FBLN2: variants seen among roughly 807,000 people sequenced by gnomAD.
FBLN2 encodes fibulin 2.
Under a neutral mutation model 123.7 loss-of-function variants are expected in FBLN2, and 81 were observed. That is an observed-to-expected ratio of 0.65 (90% confidence interval 0.55 to 0.79). FBLN2 has a LOEUF of 0.79. Among genes scored for constraint, FBLN2 ranks in the 30% least tolerant of loss-of-function variants. The pLI, the probability that FBLN2 is intolerant of heterozygous loss-of-function variation, is 0.00. For missense variants in FBLN2, 1,603 were observed against 1,681.3 expected (o/e 0.95, Z 0.81); for synonymous variants, 699 against 701.4 (o/e 1.00, Z 0.05).
At chr3:13,591,504 C>G (rs1045428496) in intron 2 of FBLN2, among the ~76,000 whole-genome samples, 3 of 152,090 alleles carry the variant, frequency 2.0e-5, no homozygotes, top group Admixed American at 6.5e-5. Context: ...GCCAGGCTGC[C>G]CTTGAACTCC....
At chr3:13,602,063 G>C (rs1425929938) in intron 2 of FBLN2, among the ~76,000 whole-genome samples, 1 of 152,148 alleles carries the variant, frequency 6.6e-6, no homozygotes, top group African/African-American at 2.4e-5. Flanking sequence ...CAGAGTTCTG[G>C]GATTACAGGC....
Position 13,636,649 on chromosome 3 carries a change from G to A in FBLN2, c.3338+81G>A, listed in dbSNP as rs566332844. On this transcript the variant is annotated intron_variant, in intron 17 of 17. Coordinates refer to ENST00000404922, the MANE Select transcript of FBLN2 (RefSeq NM_001004019.2). ...TCCAGGGAGAGGCTGAGAGATGGGC[G>A]CCTGCCTTGATCACCTCCCTCTCGT... 333 of 1,503,352 alleles carry A rather than the reference G, an allele frequency of 2.2e-4. 3 individuals are homozygous for A. The South Asian group carries it at 3.2e-3, about 14-fold the overall frequency. The allele number at this position is 1,503,352 out of a possible 1,614,324, so 93.1% of individuals were successfully genotyped here.
chr3:13,568,508 C>T (rs1271297512), intron 1 of FBLN2, among the ~76,000 whole-genome samples: 4 of 152,214 alleles, frequency 2.6e-5, no homozygotes, highest in African/African-American at 7.2e-5. Context: ...TACAGGCACG[C>T]CCAGAGGCCC....
chr3:13,619,889 G>A (rs576052154), intron 8 of FBLN2, 58 bp downstream of exon 8: 8 of 1,392,736 alleles, frequency 5.7e-6, no homozygotes, highest in Admixed American at 2.2e-5. Flanking sequence ...TGTGATGGGG[G>A]CCTCCAGGTG....
Position 13,571,324 on chromosome 3 carries a change from GGCAGAA to G in FBLN2, c.972_977del (p.Glu325_Ala326del). On this transcript the variant is annotated inframe_deletion, in exon 2 of 18. Transcript: ENST00000404922. ...CCAGTCTTCCTATCCAGGAGGAGAG[GGCAGAA>G]GCTGGGGCAAGGGCAGAAGCTGGGG... The G allele has an allele frequency of 1.2e-6, 2 of 1,604,236 alleles. No homozygotes were observed. The highest frequency in any genetic ancestry group is 8.5e-7 in the Non-Finnish European group (1 of 1,175,828).
Position 13,597,347 on chromosome 3 carries a change from G to C in FBLN2, c.1307-10715G>C, listed in dbSNP as rs1704878654. 2.0e-5 allele frequency among the ~76,000 whole-genome samples: 3 copies of C among 152,142 alleles called. No individual in the cohort carries two copies. The East Asian group carries it at 5.8e-4, about 29-fold the overall frequency. On this transcript the variant is annotated intron_variant, in intron 2 of 17. Coordinates refer to ENST00000404922, the MANE Select transcript of FBLN2 (RefSeq NM_001004019.2). ...GAGCAGTTCAGGAAGTGTCCACATG[G>C]GCAGCAGGACAGAAACCATAGGGTC...
Position 13,618,926 on chromosome 3 carries a change from A to C in FBLN2, c.1962A>C (p.Glu654Asp), listed in dbSNP as rs1255816853. 14 of 1,613,258 alleles carry C rather than the reference A, an allele frequency of 8.7e-6. No homozygotes were observed. Among genetic ancestry groups the C allele is most frequent in the African/African-American group, 1.3e-5 (1 of 74,918 alleles). The change falls in exon 7 of 18, where the codon GAA becomes GAC. Residue 654 changes from glutamate (E) to aspartate (D), a missense_variant. Glu to Asp is a conservative substitution (Grantham distance 45, BLOSUM62 2). Coordinates refer to ENST00000404922, the MANE Select transcript of FBLN2 (RefSeq NM_001004019.2). The stretch of plus-strand genomic sequence containing the variant: ...CAGAGGGTCACCCTCCACAGCCGGA[A>C]GCCCCACAGGAGCCTGCACTGAAGT... ...CRPEGHPPQPEAPQEPALKSE... is the reference protein window; with the variant it reads ...CRPEGHPPQPDAPQEPALKSE...
intron 2 of FBLN2, among the ~76,000 whole-genome samples, chr3:13,588,998 CTT>C (rs1312871088): frequency 2.0e-5 from 3 of 152,208 alleles, no homozygotes; most frequent in Non-Finnish European, 4.4e-5. Context: ...AGTATAGTCT[CTT>C]AGGTAATAGC....
chr3:13,629,518 C>T (rs1330720336), intron 13 of FBLN2, among the ~76,000 whole-genome samples: 1 of 152,036 alleles, frequency 6.6e-6, no homozygotes. Flanking sequence ...ATCTCTGTGC[C>T]TCTGCCCCTC....
At chr3:13,619,149 T>C (rs1442773432) in intron 7 of FBLN2, 132 bp downstream of exon 7, 1 of 669,632 alleles carries the variant, frequency 1.5e-6, no homozygotes, top group East Asian at 2.7e-5. Flanking sequence ...TGCTTCTGTT[T>C]TGGGGATGAT....
rs1703900772 is a variant in FBLN2, at chr3:13,570,527, T to G, written c.172T>G (p.Cys58Gly). Residue 58 changes from cysteine to glycine, a missense_variant, in exon 2 of 18, where the codon TGT (cysteine) becomes GGT (glycine). Cys to Gly is a radical substitution (Grantham distance 159). Coordinates refer to ENST00000404922, the MANE Select transcript of FBLN2 (RefSeq NM_001004019.2). ...GGAGCCGGGTGCCTGCTGTGCCACG[T>G]GTGTGCAGCAGGGCTGCGCCTGCGA... ...ALEPGACCAT[C>G]VQQGCACEGY... 1 of 1,592,414 alleles carries G rather than the reference T, an allele frequency of 6.3e-7. No homozygotes were observed. Among genetic ancestry groups the G allele is most frequent in the Admixed American group, 1.7e-5 (1 of 57,316 alleles).
intron 11 of FBLN2, 33 bp from the exon 12 acceptor site, chr3:13,628,872 C>G: frequency 6.2e-7 from 1 of 1,602,990 alleles, no homozygotes; most frequent in African/African-American, 1.3e-5. Flanking sequence ...GACACCATGC[C>G]GGGCTCCCTG....
chr3:13,617,196 A>G (rs1387544858), intron 5 of FBLN2, among the ~76,000 whole-genome samples: 1 of 151,488 alleles, frequency 6.6e-6, no homozygotes, highest in Non-Finnish European at 1.5e-5. Context: ...CCATCCATCC[A>G]TCCATCTACC....
Position 13,611,006 on chromosome 3 carries a change from A to G in FBLN2, c.1548+1364A>G, listed in dbSNP as rs2124882650. Among the ~76,000 whole-genome samples, 2 of 152,164 alleles carry G rather than the reference A, an allele frequency of 1.3e-5. 1 individual carries two copies. ...CACTGCAACTCCACCTCCCGGGTTCAAGCAATTCTCCTGCCTCAGCCTCCC... is the reference window on the plus strand; with the variant it reads ...CACTGCAACTCCACCTCCCGGGTTCGAGCAATTCTCCTGCCTCAGCCTCCC... On this transcript the variant is annotated intron_variant, in intron 4 of 17. Coordinates refer to ENST00000404922, the MANE Select transcript of FBLN2 (RefSeq NM_001004019.2).
intron 2 of FBLN2, among the ~76,000 whole-genome samples, chr3:13,578,258 A>G (rs1291708390): frequency 1.3e-5 from 2 of 152,226 alleles, no homozygotes; most frequent in Admixed American, 6.5e-5. Context: ...AGTGGGTTTT[A>G]GTAGATTTGG....
At position 13,590,301 on chromosome 3, in the gene FBLN2, G is replaced by C. The variant is rs565194106; in HGVS notation, c.1307-17761G>C. ...TGGGATTATAGGCAGGAGCCACCAT[G>C]CCTGGCCTAACTCTTGCCTAGTCTT... On this transcript the variant is annotated intron_variant, in intron 2 of 17. Transcript: ENST00000404922. Among the ~76,000 whole-genome samples, 5 of 152,146 alleles carry C rather than the reference G, an allele frequency of 3.3e-5. No homozygotes were observed. In the East Asian group the frequency reaches 5.8e-4, roughly 18 times the overall value.
In FBLN2 at chr3:13,619,840, C is replaced by A; in HGVS notation, c.2155+9C>A. 1 of 1,606,574 alleles carries A rather than the reference C, an allele frequency of 6.2e-7. No homozygotes were observed. Among genetic ancestry groups the A allele is most frequent in the Non-Finnish European group, 8.5e-7 (1 of 1,176,498 alleles). ...TGGCGTGTCCTGTGAAGGTGAGTGC[C>A]TTGGGGTGCCCTCCTACCTGTGCAA... is the stretch of plus-strand genomic sequence containing the variant. On this transcript the variant is annotated intron_variant, in intron 8 of 17. Coordinates refer to ENST00000404922, the MANE Select transcript of FBLN2 (RefSeq NM_001004019.2).
At chr3:13,561,316 C>T (rs1429236675) in intron 1 of FBLN2, among the ~76,000 whole-genome samples, 1 of 152,218 alleles carries the variant, frequency 6.6e-6, no homozygotes, top group African/African-American at 2.4e-5. Context: ...GTTGGGACAA[C>T]ATCCACTAAA....
chr3:13,594,320 T>TCC (rs1414316181), intron 2 of FBLN2, among the ~76,000 whole-genome samples: 1 of 151,800 alleles, frequency 6.6e-6, no homozygotes, highest in Admixed American at 6.6e-5. Context: ...AGGGCAGAGG[T>TCC]CCCTGCTATG....
Sources: gnomAD v4.1 joint callset for allele counts (sites outside exome capture counted in the v4.1 genomes callset) on GRCh38, gnomAD v4.1.1 for gene constraint, MANE v1.5 for transcripts, NCBI Gene and HGNC (gene_info 2026-07-23, HGNC 2026-07-21) for gene names.